AFDN: variants seen among roughly 807,000 people sequenced by gnomAD.
AFDN encodes afadin, adherens junction formation factor.
A neutral mutation model predicts 216.6 loss-of-function variants in AFDN; 68 were observed. That is an observed-to-expected ratio of 0.31 (90% CI 0.26 to 0.38). AFDN has a LOEUF of 0.38. Among genes scored for constraint, AFDN ranks in the 10% least tolerant of loss-of-function variants. AFDN has a pLI of 1.00. For synonymous variants in AFDN, 868 were observed against 853.7 expected (o/e 1.02, Z -0.29); for missense variants, 2,136 against 2,342.0 (o/e 0.91, Z 1.82).
chr6:167,949,725 A>G (rs936893198), intron 29 of AFDN, among the ~76,000 whole-genome samples: 1 of 152,184 alleles, frequency 6.6e-6, no homozygotes, highest in Non-Finnish European at 1.5e-5. Context: ...TCTGCTTCCC[A>G]TATGTCAAGA....
intron 31 of AFDN, chr6:167,964,817 T>C: frequency 9.4e-7 from 1 of 1,066,328 alleles, no homozygotes; most frequent in African/African-American, 1.6e-5. Context: ...AAACATTTAC[T>C]CGAGGCAGTT....
intron 1 of AFDN, among the ~76,000 whole-genome samples, chr6:167,857,473 A>G (rs940811437): frequency 1.3e-5 from 2 of 152,248 alleles, no homozygotes; most frequent in Admixed American, 6.5e-5. Context: ...GTAAACTAAC[A>G]TGAAAATGAC....
At chr6:167,923,597 G>A (rs1444661404) in intron 22 of AFDN, among the ~76,000 whole-genome samples, 4 of 149,026 alleles carry the variant, frequency 2.7e-5, no homozygotes, top group African/African-American at 9.9e-5. Flanking sequence ...TTGAACTACT[G>A]ACAAAGTGAA....
intron 23 of AFDN, among the ~76,000 whole-genome samples, chr6:167,939,274 G>A (rs770943807): frequency 1.3e-5 from 2 of 152,114 alleles, no homozygotes; most frequent in Non-Finnish European, 2.9e-5. Flanking sequence ...TACATTAACC[G>A]GAAGATAATG....
intron 4 of AFDN, among the ~76,000 whole-genome samples, 182 bp from the exon 5 acceptor site, chr6:167,875,153 G>A (rs2128272904): frequency 6.6e-6 from 1 of 152,238 alleles, no homozygotes; most frequent in Middle Eastern, 3.4e-3. Flanking sequence ...AGTTTGTGTT[G>A]AGAGAAACTA....
chr6:167,898,402 T>A lies in AFDN; in HGVS notation c.1515T>A (p.Asp505Glu). 6.2e-7 allele frequency: 1 copy of A among 1,614,192 alleles called. No homozygotes were observed. The highest frequency in any genetic ancestry group is 8.5e-7 in the Non-Finnish European group (1 of 1,180,036). Residue 505 changes from aspartate (D) to glutamate (E), a missense_variant, in exon 11 of 34, where the codon GAT becomes GAA. Asp to Glu is a conservative substitution (Grantham distance 45). Around this residue, in one of 8 missense-constraint regions of AFDN, gnomAD observed 817 missense variants for 965.7 expected, o/e 0.85. Coordinates refer to ENST00000683244, the MANE Select transcript of AFDN (RefSeq NM_001386888.1). ...TTAAGTTTGTGGACCCCAGTCAGGA[T>A]CATGCTCTTGCAAAAAGATCTGTGG... ...HVFKFVDPSQDHALAKRSVDG... is the reference protein window; with the variant it reads ...HVFKFVDPSQEHALAKRSVDG...
At chr6:167,860,961 C>T (rs1323173902) in intron 1 of AFDN, among the ~76,000 whole-genome samples, 1 of 152,144 alleles carries the variant, frequency 6.6e-6, no homozygotes, top group East Asian at 1.9e-4. Context: ...GTGTCAAACT[C>T]CCAGCAGAGC....
chr6:167,910,616 G>A (rs73032771), intron 13 of AFDN, among the ~76,000 whole-genome samples: 6,202 of 152,268 alleles, frequency 0.041, 197 homozygotes, highest in African/African-American at 0.077. Context: ...ATGGCTGAAG[G>A]AGACTTGCCG....
chr6:167,957,434 C>T (rs1330744904), intron 30 of AFDN, among the ~76,000 whole-genome samples: 2 of 152,158 alleles, frequency 1.3e-5, no homozygotes, highest in Non-Finnish European at 2.9e-5. Flanking sequence ...CCCAAGCTCT[C>T]GAAGGTGTGT....
At chr6:167,891,133 T>A (rs1787519519) in intron 8 of AFDN, 104 bp downstream of exon 8, 1 of 920,722 alleles carries the variant, frequency 1.1e-6, no homozygotes, top group Non-Finnish European at 1.5e-6. Flanking sequence ...TTGGCTGACT[T>A]AACATTTTTA....
intron 23 of AFDN, among the ~76,000 whole-genome samples, chr6:167,928,685 C>G (rs1173882932): frequency 6.6e-6 from 1 of 152,208 alleles, no homozygotes; most frequent in Admixed American, 6.5e-5. Context: ...TGGGCTCCAC[C>G]CGGCCTCTGC....
At chr6:167,904,693 T>G (rs534854799) in intron 12 of AFDN, among the ~76,000 whole-genome samples, 2 of 152,258 alleles carry the variant, frequency 1.3e-5, no homozygotes, top group East Asian at 3.9e-4. Context: ...TCTTCCCCGT[T>G]CCCAGTTGGT....
At chr6:167,890,127 G>A (rs1047045861) in intron 7 of AFDN, among the ~76,000 whole-genome samples, 8 of 152,144 alleles carry the variant, frequency 5.3e-5, no homozygotes, top group East Asian at 1.9e-4. Context: ...CATTAATAAC[G>A]ACATAAAAAT....
At chr6:167,882,935 CATGCCGTGTACTTTCAA>C (rs749942972) in intron 6 of AFDN, among the ~76,000 whole-genome samples, 10 of 152,070 alleles carry the variant, frequency 6.6e-5, no homozygotes, top group Admixed American at 1.3e-4. Flanking sequence ...TGGTATCTGG[CATGCCGTGTACTTTCAA>C]ATGCAGAGTG....
chr6:167,908,358 T>C (rs1030716215), intron 13 of AFDN, among the ~76,000 whole-genome samples: 2 of 152,250 alleles, frequency 1.3e-5, no homozygotes. Context: ...TTTAACTTTA[T>C]TTTTATTGTG....
chr6:167,841,964 T>G (rs1347135261), intron 1 of AFDN, among the ~76,000 whole-genome samples: 1 of 152,052 alleles, frequency 6.6e-6, no homozygotes, highest in Non-Finnish European at 1.5e-5. Flanking sequence ...GGCTTTTCTC[T>G]TCTGTTAAAA....
At chr6:167,870,331 A>G in intron 2 of AFDN, 55 bp from the exon 3 acceptor site, 3 of 1,076,346 alleles carry the variant, frequency 2.8e-6, no homozygotes, top group South Asian at 3.1e-5. Flanking sequence ...TGTATTAGCT[A>G]GTTCTATGAA....
At chr6:167,938,218 T>C (rs1794247265) in intron 23 of AFDN, among the ~76,000 whole-genome samples, 1 of 152,194 alleles carries the variant, frequency 6.6e-6, no homozygotes, top group South Asian at 2.1e-4. Flanking sequence ...AGAAAGACAC[T>C]TGGTGTAGAG....
At chr6:167,853,359 T>TA (rs34868407) in intron 1 of AFDN, among the ~76,000 whole-genome samples, 1 of 152,036 alleles carries the variant, frequency 6.6e-6, no homozygotes, top group Non-Finnish European at 1.5e-5. Context: ...AATGGGCATT[T>TA]AAAAAATTCT....
Sources: gnomAD v4.1 joint callset for allele counts (sites outside exome capture counted in the v4.1 genomes callset) on GRCh38, gnomAD v4.1.1 for gene constraint, gnomAD v4.1.1 regional missense constraint, MANE v1.5 for transcripts, NCBI Gene and HGNC (gene_info 2026-07-23, HGNC 2026-07-21) for gene names.